SEPTIN10: variants seen among roughly 807,000 people sequenced by gnomAD.
SEPTIN10 encodes the protein septin-10.
Under a neutral mutation model 54.8 loss-of-function variants are expected in SEPTIN10, and 66 were observed. The ratio of observed to expected loss-of-function variants is 1.21; its 90% CI spans 0.99 to 1.48. SEPTIN10 has a LOEUF of 1.48. Among genes scored for constraint, SEPTIN10 ranks in the 40% most tolerant of loss-of-function variants. The pLI, the probability that SEPTIN10 is intolerant of heterozygous loss-of-function variation, is 0.00. For synonymous variants in SEPTIN10, 161 were observed against 181.0 expected, an observed-to-expected ratio of 0.89 and a Z score of 0.89; for missense variants, 620 against 545.6, an observed-to-expected ratio of 1.14 and a Z score of -1.36.
chr2:109,613,815 CGG>C lies in SEPTIN10; in HGVS notation c.11_12del (p.Ser4Ter). The C allele has an allele frequency of 8.1e-7, 1 of 1,235,110 alleles. No homozygotes were observed. Among genetic ancestry groups the C allele is most frequent in the Non-Finnish European group, 1.0e-6 (1 of 990,362 alleles). The allele number at this position is 1,235,110 out of a possible 1,614,324, so 76.5% of individuals were successfully genotyped here. A position where few individuals can be genotyped will look rare whatever the true frequency, so the allele number is the denominator to read the frequency against. On this transcript the variant is annotated frameshift_variant, in exon 1 of 11. Coordinates refer to ENST00000397712, the MANE Select transcript of SEPTIN10 (RefSeq NM_144710.5). LOFTEE classifies it high-confidence loss of function. The part of the protein sequence containing the change: MAS[S>X]EVARHLLFQS... Reference sequence around the variant, plus strand: ...GGACTCACCAGGTGCCGCGCCACCTCGGAGGAGGCCATGGTCGCGGGCAGGGG... The same window carrying C: ...GGACTCACCAGGTGCCGCGCCACCTCAGGAGGCCATGGTCGCGGGCAGGGG...
chr2:109,597,327 T>C (rs896969107), intron 1 of SEPTIN10, among the ~76,000 whole-genome samples: 10 of 152,220 alleles, frequency 6.6e-5, no homozygotes, highest in African/African-American at 2.4e-4. Flanking sequence ...GAGCTCTGTG[T>C]AGGGCTAAGA....
chr2:109,565,897 G>GT (rs1686895480), intron 6 of SEPTIN10, 38 bp from the exon 7 acceptor site: 1 of 1,481,772 alleles, frequency 6.7e-7, no homozygotes, highest in East Asian at 2.3e-5. Context: ...TCATACCACT[G>GT]TGATAACTGA....
chr2:109,591,085 C>T (rs753492), intron 2 of SEPTIN10, among the ~76,000 whole-genome samples: 20,517 of 152,180 alleles, frequency 0.13, 1,873 homozygotes, highest in African/African-American at 0.26. Flanking sequence ...AACTAGTACA[C>T]TATATTCTCT....
intron 4 of SEPTIN10, among the ~76,000 whole-genome samples, chr2:109,583,764 A>C (rs561518791): frequency 6.6e-6 from 1 of 152,354 alleles, no homozygotes; most frequent in East Asian, 1.9e-4. Flanking sequence ...GGACTGGATA[A>C]AACAAGTGTG....
chr2:109,550,093 C>T (rs1682504074), intron 9 of SEPTIN10, among the ~76,000 whole-genome samples: 1 of 151,716 alleles, frequency 6.6e-6, no homozygotes, highest in Non-Finnish European at 1.5e-5. Flanking sequence ...GAGTTCGAGA[C>T]CAGCCTGACC....
At chr2:109,574,908 T>TAA (rs57973607) in intron 4 of SEPTIN10, 141 bp from the exon 5 acceptor site, 6 of 496,984 alleles carry the variant, frequency 1.2e-5, no homozygotes, top group African/African-American at 1.0e-4. Context: ...ACTTTAGTGA[T>TAA]AAAAAAATGT....
Position 109,542,877 on chromosome 2 carries a change from T to C in SEPTIN10, c.*1432A>G, listed in dbSNP as rs1057266192. 3.3e-5 allele frequency: 5 copies of C among 152,496 alleles called. No individual in the cohort carries two copies. The highest frequency in any genetic ancestry group is 1.2e-4 in the African/African-American group (5 of 41,462). 9.4% of individuals were successfully genotyped at this position (152,496 alleles called of 1,614,324 possible). A position where few individuals can be genotyped will look rare whatever the true frequency, so the allele number is the denominator to read the frequency against. On this transcript the variant is annotated 3_prime_UTR_variant, in exon 11 of 11. Coordinates refer to ENST00000397712, the MANE Select transcript of SEPTIN10 (RefSeq NM_144710.5). ...ATCTGACACAGACTAATAAGTTTCA[T>C]TGTCTGAAAATACTCATAAAATACC...
chr2:109,582,079 C>G (rs900111474), intron 4 of SEPTIN10, among the ~76,000 whole-genome samples: 2 of 21,438 alleles, frequency 9.3e-5, no homozygotes, highest in African/African-American at 2.0e-4. Flanking sequence ...ACAACAGACA[C>G]ACACACACAC....
intron 4 of SEPTIN10, among the ~76,000 whole-genome samples, chr2:109,579,518 G>C (rs976036344): frequency 1.8e-4 from 27 of 151,728 alleles, no homozygotes; most frequent in African/African-American, 6.5e-4. Flanking sequence ...TGAGTAGCTG[G>C]GATTACAGGC....
At chr2:109,590,075 TATATATGTATATATATAC>T (rs1693629530) in intron 2 of SEPTIN10, among the ~76,000 whole-genome samples, 1 of 147,012 alleles carries the variant, frequency 6.8e-6, no homozygotes, top group Non-Finnish European at 1.5e-5. Flanking sequence ...TACACACACA[TATATATGTATATATATAC>T]ACACATATAT....
intron 5 of SEPTIN10, among the ~76,000 whole-genome samples, chr2:109,569,698 A>G (rs1205422168): frequency 6.6e-6 from 1 of 152,178 alleles, no homozygotes; most frequent in African/African-American, 2.4e-5. Flanking sequence ...ATACTTAGGT[A>G]TTCAACAAAT....
At chr2:109,581,367 G>A (rs1306629866) in intron 4 of SEPTIN10, among the ~76,000 whole-genome samples, 1 of 152,064 alleles carries the variant, frequency 6.6e-6, no homozygotes, top group African/African-American at 2.4e-5. Context: ...AACCCAGGAG[G>A]CGGAGGTTGC....
At chr2:109,554,315 C>T (rs528297902) in intron 8 of SEPTIN10, among the ~76,000 whole-genome samples, 4 of 152,188 alleles carry the variant, frequency 2.6e-5, no homozygotes, top group South Asian at 4.2e-4. Flanking sequence ...ACTTTCACAC[C>T]GCATTGCTTA....
intron 1 of SEPTIN10, among the ~76,000 whole-genome samples, chr2:109,608,319 C>T (rs1698470077): frequency 6.6e-6 from 1 of 152,130 alleles, no homozygotes; most frequent in African/African-American, 2.4e-5. Flanking sequence ...CAATATACTC[C>T]CTACCTAATA....
chr2:109,552,721 C>CGT (rs1683295456), intron 9 of SEPTIN10: 2 of 192,404 alleles, frequency 1.0e-5, no homozygotes, highest in East Asian at 3.3e-4. Flanking sequence ...CAAAGACAAA[C>CGT]CACCACTGAG....
At chr2:109,574,244 A>G (rs997333804) in intron 5 of SEPTIN10, among the ~76,000 whole-genome samples, 3 of 151,610 alleles carry the variant, frequency 2.0e-5, no homozygotes, top group Non-Finnish European at 2.9e-5. Context: ...TTTGAGACCA[A>G]CTGGGCAACA....
At chr2:109,566,808 G>A (rs1391095112) in intron 6 of SEPTIN10, among the ~76,000 whole-genome samples, 2 of 152,186 alleles carry the variant, frequency 1.3e-5, no homozygotes, top group Non-Finnish European at 2.9e-5. Context: ...GGGGCAGGGA[G>A]TAGACTGGTC....
chr2:109,594,558 A>G (rs957800278), intron 1 of SEPTIN10: 2 of 151,368 alleles, frequency 1.3e-5, no homozygotes, highest in African/African-American at 4.9e-5. Context: ...TCTCCTCTGT[A>G]TACTACAGTG....
intron 10 of SEPTIN10, chr2:109,545,297 AC>A: frequency 7.0e-7 from 1 of 1,437,736 alleles, no homozygotes; most frequent in South Asian, 1.5e-5. Flanking sequence ...GAGAAATAAA[AC>A]AAGGGACACA....
Sources: gnomAD v4.1 joint callset for allele counts (sites outside exome capture counted in the v4.1 genomes callset) on GRCh38, gnomAD v4.1.1 for gene constraint, MANE v1.5 for transcripts, NCBI Gene and HGNC (gene_info 2026-07-23, HGNC 2026-07-21) for gene names.